The following SEC24D variants were observed in gnomAD, a reference collection of about 807,000 sequenced individuals.
SEC24D encodes protein transport protein Sec24D.
Under a neutral mutation model 116.9 loss-of-function variants are expected in SEC24D, and 69 were observed. The observed-to-expected ratio is 0.59, with a 90% confidence interval of 0.49 to 0.72. SEC24D has a LOEUF of 0.72. Among genes scored for constraint, SEC24D ranks in the 30% least tolerant of loss-of-function variants. The pLI, the probability that SEC24D is intolerant of heterozygous loss-of-function variation, is 0.00. For missense variants in SEC24D, 1,131 were observed against 1,264.1 expected (o/e 0.89, Z 1.60); for synonymous variants, 405 against 442.8 (o/e 0.91, Z 1.07).
At position 118,755,070 on chromosome 4, in the gene SEC24D, A is replaced by T. The variant is rs1035327931; in HGVS notation, c.1422-2182T>A. Among the ~76,000 whole-genome samples, 4 of 152,174 alleles carry T rather than the reference A, an allele frequency of 2.6e-5. No individual in the cohort carries two copies. In the South Asian group the frequency reaches 8.3e-4, roughly 31 times the overall value. ...ATCTAAATTAACATTTTTTAAAAGC[A>T]TCTAATCAGAACATCCTACATTATT... On this transcript the variant is annotated intron_variant, in intron 11 of 22. Coordinates refer to ENST00000280551, the MANE Select transcript of SEC24D (RefSeq NM_014822.4).
chr4:118,757,378 C>T (rs1727151772), intron 11 of SEC24D, among the ~76,000 whole-genome samples: 1 of 152,214 alleles, frequency 6.6e-6, no homozygotes, highest in Admixed American at 6.5e-5. Flanking sequence ...CTGCCATGCT[C>T]AGCAACTACT....
rs985232228 is a variant in SEC24D at position 118,815,259 on chromosome 4, T to C, written c.674-104A>G. 3 of 1,456,318 alleles carry C rather than the reference T, an allele frequency of 2.1e-6. No individual in the cohort carries two copies. In the African/African-American group the frequency reaches 4.2e-5, roughly 21 times the overall value. The allele number at this position is 1,456,318 out of a possible 1,614,324, so 90.2% of individuals were successfully genotyped here. A position where few individuals can be genotyped will look rare whatever the true frequency, so the allele number is the denominator to read the frequency against. ...TCAGTCAAGCATGTTGTATTTTTCA[T>C]CTTATTAAAAAAAGCAAGGAGTCAA... On this transcript the variant is annotated intron_variant, in intron 5 of 22. Coordinates refer to ENST00000280551, the MANE Select transcript of SEC24D (RefSeq NM_014822.4).
chr4:118,804,573 G>C (rs975063041), intron 7 of SEC24D, among the ~76,000 whole-genome samples: 7 of 150,354 alleles, frequency 4.7e-5, no homozygotes, highest in South Asian at 2.1e-4. Context: ...CCTTTTATAG[G>C]TCACAGTGAT....
At chr4:118,800,732 A>C (rs1729396210) in intron 7 of SEC24D, among the ~76,000 whole-genome samples, 1 of 152,208 alleles carries the variant, frequency 6.6e-6, no homozygotes, top group Admixed American at 6.5e-5. Context: ...CAATAACTCT[A>C]TGGATTAATA....
chr4:118,755,464 C>CAAAAAAAAAAAAAAAAAAAAAAA (rs34008479), intron 11 of SEC24D, among the ~76,000 whole-genome samples: 4 of 85,084 alleles, frequency 4.7e-5, no homozygotes, highest in South Asian at 4.0e-4. Context: ...AACAAACAGA[C>CAAAAAAAAAAAAAAAAAAAAAAA]AAAAAAAAAA....
chr4:118,769,846 A>G (rs1482811745), intron 8 of SEC24D: 1 of 152,178 alleles, frequency 6.6e-6, no homozygotes, highest in Admixed American at 6.5e-5. Flanking sequence ...CTGGTGCCCC[A>G]CTGGTAGGGG....
chr4:118,752,589 G>A (rs991776373), intron 12 of SEC24D, 108 bp downstream of exon 12: 2 of 731,172 alleles, frequency 2.7e-6, no homozygotes, highest in Non-Finnish European at 4.4e-6. Flanking sequence ...TCTGTGTCTT[G>A]AAACCCCCTT....
intron 8 of SEC24D, among the ~76,000 whole-genome samples, chr4:118,782,572 A>G (rs569030711): frequency 6.6e-6 from 1 of 152,318 alleles, no homozygotes; most frequent in South Asian, 2.1e-4. Context: ...CCACATGAGG[A>G]GGCAGTCTGT....
rs781773892 is a variant in SEC24D at position 118,740,644 on chromosome 4, G to A, written c.2238+19C>T. On this transcript the variant is annotated intron_variant, in intron 17 of 22. Transcript: ENST00000280551. ...CAACAAACTAAAATAACGAAAGGTGGGAATACACTTTCAATCACCTGGATT... is the reference window on the plus strand; with the variant it reads ...CAACAAACTAAAATAACGAAAGGTGAGAATACACTTTCAATCACCTGGATT... 1 of 1,612,434 alleles carries A rather than the reference G, an allele frequency of 6.2e-7. No individual in the cohort carries two copies. The highest frequency in any genetic ancestry group is 8.5e-7 in the Non-Finnish European group (1 of 1,178,902).
intron 8 of SEC24D, among the ~76,000 whole-genome samples, chr4:118,774,322 A>C (rs998723760): frequency 1.3e-5 from 2 of 152,146 alleles, no homozygotes; most frequent in South Asian, 4.1e-4. Flanking sequence ...TTTTCATTGA[A>C]AAATACTGAA....
Position 118,799,104 on chromosome 4 carries a change from T to G in SEC24D, c.914-1294A>C, listed in dbSNP as rs181681346. 2.0e-5 allele frequency among the ~76,000 whole-genome samples: 3 copies of G among 152,322 alleles called. No individual in the cohort carries two copies. The South Asian group carries it at 6.2e-4, about 32-fold the overall frequency. On this transcript the variant is annotated intron_variant, in intron 7 of 22. Coordinates refer to ENST00000280551, the MANE Select transcript of SEC24D (RefSeq NM_014822.4). ...GGGAAGAGTAGAACCAGGGAGACCA[T>G]GTGGAGGCTGCTGCAGTACCAGCCT...
intron 19 of SEC24D, 70 bp downstream of exon 19, chr4:118,738,191 A>G: frequency 9.9e-7 from 1 of 1,007,542 alleles, no homozygotes; most frequent in Non-Finnish European, 1.6e-6. Flanking sequence ...TAAGCCTTCT[A>G]TAGCTATGTG....
intron 2 of SEC24D, chr4:118,825,711 G>C: frequency 7.4e-6 from 3 of 404,430 alleles, no homozygotes; most frequent in Non-Finnish European, 1.4e-5. Context: ...AAAAACTTCA[G>C]TTCTTCTATC....
chr4:118,740,187 G>A (rs865795226), intron 17 of SEC24D, among the ~76,000 whole-genome samples: 4 of 152,216 alleles, frequency 2.6e-5, no homozygotes, highest in Middle Eastern at 3.4e-3. Flanking sequence ...TACAAACCAA[G>A]GACAGGGGCC....
intron 6 of SEC24D, among the ~76,000 whole-genome samples, chr4:118,811,872 A>C (rs898613609): frequency 6.6e-6 from 1 of 152,222 alleles, no homozygotes; most frequent in African/African-American, 2.4e-5. Flanking sequence ...CAAATATAGA[A>C]TAAGTGACAG....
At chr4:118,824,502 G>A (rs780929972) in intron 3 of SEC24D, 118 bp downstream of exon 3, 10 of 1,046,584 alleles carry the variant, frequency 9.6e-6, no homozygotes, top group Admixed American at 2.4e-5. Flanking sequence ...TCCTTTCAGG[G>A]GTGTGTAACA....
intron 8 of SEC24D, among the ~76,000 whole-genome samples, chr4:118,788,231 A>G (rs1258571382): frequency 1.3e-5 from 2 of 152,264 alleles, no homozygotes; most frequent in South Asian, 4.1e-4. Flanking sequence ...TTAATTTCTA[A>G]TAACATATAG....
At position 118,740,736 on chromosome 4, in the gene SEC24D, T is replaced by C. The variant is rs763077310; in HGVS notation, c.2165A>G (p.Asp722Gly). Reference protein sequence around the residue: ...NTTDVEMAAIDCDKAVTVEFK... With the variant: ...NTTDVEMAAIGCDKAVTVEFK... ...CTCCACGGTCACTGCCTTGTCACAATCGATGGCAGCCATTTCTACATCGGT... is the reference window on the plus strand; with the variant it reads ...CTCCACGGTCACTGCCTTGTCACAACCGATGGCAGCCATTTCTACATCGGT... Residue 722 changes from aspartate to glycine, a missense_variant, in exon 17 of 23, where the codon GAT (aspartate) becomes GGT (glycine). By Grantham distance (94) the Asp-to-Gly change is moderately conservative (BLOSUM62 -1). Coordinates refer to ENST00000280551, the MANE Select transcript of SEC24D (RefSeq NM_014822.4). 7.4e-6 allele frequency: 12 copies of C among 1,613,850 alleles called. No homozygotes were observed. Among genetic ancestry groups the C allele is most frequent in the Non-Finnish European group, 1.0e-5 (12 of 1,179,890 alleles).
At chr4:118,831,146 C>T (rs1243069715) in intron 2 of SEC24D, among the ~76,000 whole-genome samples, 1 of 152,018 alleles carries the variant, frequency 6.6e-6, no homozygotes, top group African/African-American at 2.4e-5. Flanking sequence ...CTTAGCCTCC[C>T]AAATAGCTGA....
Sources: allele counts gnomAD v4.1 joint callset (sites outside exome capture counted in the v4.1 genomes callset), GRCh38; gene constraint gnomAD v4.1.1; transcripts MANE v1.5; gene names NCBI Gene and HGNC (gene_info 2026-07-23, HGNC 2026-07-21).